The following COL22A1 variants were observed in gnomAD, a reference collection of about 807,000 sequenced individuals.
COL22A1 encodes collagen alpha-1(XXII) chain.
COL22A1 carries 221 observed loss-of-function variants against 248.9 expected under a neutral mutation model. That is an observed-to-expected ratio of 0.89 (90% confidence interval 0.80 to 0.99). The LOEUF (loss-of-function observed/expected upper bound fraction) is 0.99. Among genes scored for constraint, COL22A1 ranks in the 50% least tolerant of loss-of-function variants. The pLI is 0.00. For missense variants in COL22A1, 2,240 were observed against 2,179.0 expected, an observed-to-expected ratio of 1.03 and a Z score of -0.56; for synonymous variants, 891 against 793.4, an observed-to-expected ratio of 1.12 and a Z score of -2.07.
chr8:138,628,865 A>C (rs546324386), intron 50 of COL22A1, among the ~76,000 whole-genome samples: 2 of 149,850 alleles, frequency 1.3e-5, no homozygotes, highest in African/African-American at 5.0e-5. Context: ...TCCCTGGTTC[A>C]AGTGATTCTC....
intron 3 of COL22A1, among the ~76,000 whole-genome samples, chr8:138,861,788 C>A (rs183961423): frequency 2.0e-5 from 3 of 152,308 alleles, no homozygotes; most frequent in African/African-American, 7.2e-5. Flanking sequence ...CTCTCTTGGT[C>A]AAACTGCTCC....
At chr8:138,907,389 G>A (rs556645471) in intron 1 of COL22A1, among the ~76,000 whole-genome samples, 2 of 152,316 alleles carry the variant, frequency 1.3e-5, no homozygotes, top group South Asian at 4.1e-4. Context: ...GAATTCAGCT[G>A]GAAGGGTACA....
chr8:138,759,768 T>A (rs1833297292), intron 18 of COL22A1, among the ~76,000 whole-genome samples: 1 of 152,152 alleles, frequency 6.6e-6, no homozygotes, highest in Admixed American at 6.5e-5. Flanking sequence ...CAACCCTTAT[T>A]TTGTTTTTCA....
chr8:138,708,866 G>T (rs1828707803), intron 30 of COL22A1, among the ~76,000 whole-genome samples: 1 of 152,146 alleles, frequency 6.6e-6, no homozygotes, highest in South Asian at 2.1e-4. Flanking sequence ...CAGAATGGGA[G>T]AAAATTTTCA....
chr8:138,647,118 C>G (rs1564139573), intron 46 of COL22A1, among the ~76,000 whole-genome samples: 1 of 152,142 alleles, frequency 6.6e-6, no homozygotes, highest in Non-Finnish European at 1.5e-5. Flanking sequence ...CTTTTTCTAT[C>G]TAACCACTCA....
intron 2 of COL22A1, 49 bp from the exon 3 acceptor site, chr8:138,878,365 G>C (rs1270408810): frequency 7.0e-7 from 1 of 1,424,472 alleles, no homozygotes; most frequent in African/African-American, 1.4e-5. Context: ...GCATGGAAAG[G>C]ACACTGTCCT....
At chr8:138,703,448 G>C in intron 30 of COL22A1, 101 bp from the exon 31 acceptor site, 1 of 1,134,894 alleles carries the variant, frequency 8.8e-7, no homozygotes, top group Non-Finnish European at 1.3e-6. Flanking sequence ...ACAACAGAAG[G>C]TGTTGTCTTC....
intron 7 of COL22A1, among the ~76,000 whole-genome samples, chr8:138,816,927 A>T (rs979207636): frequency 1.3e-5 from 2 of 152,200 alleles, no homozygotes; most frequent in Admixed American, 6.5e-5. Context: ...GACACTCTTC[A>T]TTATTCTCTA....
chr8:138,766,901 T>G (rs1371429755), intron 16 of COL22A1, among the ~76,000 whole-genome samples: 2 of 152,202 alleles, frequency 1.3e-5, no homozygotes, highest in Admixed American at 1.3e-4. Context: ...TTTGCCAGCT[T>G]TGCTAGCACT....
At chr8:138,604,931 C>A (rs1019641123) in intron 58 of COL22A1, among the ~76,000 whole-genome samples, 162 bp from the exon 59 acceptor site, 5 of 152,104 alleles carry the variant, frequency 3.3e-5, no homozygotes, top group Non-Finnish European at 5.9e-5. Context: ...CTCTGGCCAG[C>A]CTGTGCAGGG....
At chr8:138,665,935 T>A (rs765025469) in intron 41 of COL22A1, among the ~76,000 whole-genome samples, 15 of 152,006 alleles carry the variant, frequency 9.9e-5, no homozygotes, top group Non-Finnish European at 2.1e-4. Context: ...CAGGTTAATT[T>A]GAAACTAATA....
rs1382417354 is a variant in COL22A1, at chr8:138,847,990, G to A, written c.659-3832C>T. On this transcript the variant is annotated intron_variant, in intron 3 of 64. Coordinates refer to ENST00000303045, the MANE Select transcript of COL22A1 (RefSeq NM_152888.3). ...CAATTAATGAGGGTGGTGAGAAGTG[G>A]TGCATTACTTCCTTGGTAAAGGAAA... Among the ~76,000 whole-genome samples the A allele has an allele frequency of 3.9e-5, 6 of 152,150 alleles. No homozygotes were observed. The East Asian group carries it at 1.2e-3, about 29-fold the overall frequency.
chr8:138,631,022 A>G (rs1014161972), intron 49 of COL22A1, among the ~76,000 whole-genome samples: 1 of 151,620 alleles, frequency 6.6e-6, no homozygotes, highest in African/African-American at 2.4e-5. Context: ...GAAGTCTAGG[A>G]CCTCCCCACC....
chr8:138,835,625 T>G (rs1231128379), intron 4 of COL22A1, among the ~76,000 whole-genome samples: 1 of 152,140 alleles, frequency 6.6e-6, no homozygotes, highest in African/African-American at 2.4e-5. Flanking sequence ...AGTGCAGATT[T>G]GTCAAACTGA....
chr8:138,717,860 C>T (rs1046876858), intron 27 of COL22A1, among the ~76,000 whole-genome samples: 10 of 152,176 alleles, frequency 6.6e-5, no homozygotes, highest in Admixed American at 2.0e-4. Flanking sequence ...TGGTGGTGAG[C>T]GCGGACTATC....
intron 22 of COL22A1, among the ~76,000 whole-genome samples, chr8:138,742,357 G>A (rs1393286364): frequency 7.9e-5 from 12 of 152,186 alleles, no homozygotes; most frequent in African/African-American, 2.7e-4. Context: ...TGATGGTGAT[G>A]GTGGAGTTGA....
At chr8:138,708,771 G>T (rs1828698249) in intron 30 of COL22A1, among the ~76,000 whole-genome samples, 1 of 152,126 alleles carries the variant, frequency 6.6e-6, no homozygotes, top group Non-Finnish European at 1.5e-5. Context: ...GGCAACAAAA[G>T]CCAAAATTGA....
chr8:138,794,189 C>T (rs1457555951), intron 12 of COL22A1, among the ~76,000 whole-genome samples: 1 of 152,108 alleles, frequency 6.6e-6, no homozygotes, highest in Non-Finnish European at 1.5e-5. Flanking sequence ...GAGCTCGAGA[C>T]CATCCTGGCC....
chr8:138,622,855 A>T (rs368720975), intron 52 of COL22A1, among the ~76,000 whole-genome samples: 1 of 152,040 alleles, frequency 6.6e-6, no homozygotes, highest in South Asian at 2.1e-4. Flanking sequence ...TCATTTAACT[A>T]GTCTCATACT....
Sources: allele counts gnomAD v4.1 joint callset (sites outside exome capture counted in the v4.1 genomes callset), GRCh38; gene constraint gnomAD v4.1.1; transcripts MANE v1.5; gene names NCBI Gene and HGNC (gene_info 2026-07-23, HGNC 2026-07-21).